The following UBE2W variants were observed in gnomAD, a reference collection of about 807,000 sequenced individuals.
UBE2W encodes ubiquitin-conjugating enzyme E2 W.
UBE2W carries 18 observed loss-of-function variants against 27.2 expected under a neutral mutation model. That is an observed-to-expected ratio of 0.66 (90% CI 0.46 to 0.98). UBE2W has a LOEUF of 0.98. Among genes scored for constraint, UBE2W ranks in the 50% least tolerant of loss-of-function variants. The pLI, the probability that UBE2W is intolerant of heterozygous loss-of-function variation, is 0.00. For synonymous variants in UBE2W, 53 were observed against 57.2 expected (o/e 0.93, Z 0.33); for missense variants, 90 against 180.2 (o/e 0.50, Z 2.87).
intron 1 of UBE2W, among the ~76,000 whole-genome samples, chr8:73,846,677 G>C: frequency 6.6e-6 from 1 of 152,066 alleles, no homozygotes; most frequent in Non-Finnish European, 1.5e-5. Context: ...AAGAATATGA[G>C]CACAAAATGT....
chr8:73,850,725 T>TA (rs11318665), intron 1 of UBE2W, among the ~76,000 whole-genome samples: 6,701 of 63,630 alleles, frequency 0.11, 564 homozygotes, highest in Non-Finnish European at 0.15. Context: ...AGCAGGACAT[T>TA]AAAAAAAAAA....
Position 73,855,007 on chromosome 8 carries a change from A to T in UBE2W, c.15+23801T>A, listed in dbSNP as rs115228353. 4.3e-3 allele frequency among the ~76,000 whole-genome samples: 652 copies of T among 152,294 alleles called. 6 individuals carry two copies. The highest frequency in any genetic ancestry group is 0.015 in the African/African-American group (626 of 41,576). ...TTATGTCATCTGTTTATAAGATGGA[A>T]TCATCTATCTGAAATGGTGGGCAAC... On this transcript the variant is annotated intron_variant, in intron 1 of 5. Transcript: ENST00000602593.
intron 2 of UBE2W, 88 bp from the exon 3 acceptor site, chr8:73,825,337 C>G (rs543199459): frequency 1.2e-6 from 1 of 861,480 alleles, no homozygotes; most frequent in East Asian, 2.7e-5. Context: ...TTCCTATACA[C>G]TAAGCACTAG....
intron 3 of UBE2W, among the ~76,000 whole-genome samples, chr8:73,819,780 G>A (rs1343084632): frequency 3.3e-5 from 5 of 152,156 alleles, no homozygotes; most frequent in African/African-American, 1.2e-4. Context: ...GACACAACAT[G>A]AGACATAAAA....
At chr8:73,873,117 C>T (rs1046511740) in intron 1 of UBE2W, among the ~76,000 whole-genome samples, 9 of 152,004 alleles carry the variant, frequency 5.9e-5, no homozygotes, top group Non-Finnish European at 1.2e-4. Context: ...CCATGTTGGC[C>T]GGGCTGGTCT....
At chr8:73,803,414 CTG>C (rs1179181837) in intron 5 of UBE2W, among the ~76,000 whole-genome samples, 1 of 152,150 alleles carries the variant, frequency 6.6e-6, no homozygotes, top group Non-Finnish European at 1.5e-5. Flanking sequence ...ATAAGAGGAA[CTG>C]TATTTCAATG....
intron 5 of UBE2W, among the ~76,000 whole-genome samples, chr8:73,798,987 C>G (rs1808531226): frequency 6.6e-6 from 1 of 151,944 alleles, no homozygotes; most frequent in Admixed American, 6.6e-5. Flanking sequence ...TAAGAATCCC[C>G]TCCCACTCCC....
chr8:73,799,829 AG>A (rs2130854002), intron 5 of UBE2W, among the ~76,000 whole-genome samples: 1 of 152,288 alleles, frequency 6.6e-6, no homozygotes, highest in South Asian at 2.1e-4. Context: ...AAGTCACATA[AG>A]GAAACTGGCC....
intron 5 of UBE2W, among the ~76,000 whole-genome samples, chr8:73,804,279 A>T (rs1808774722): frequency 1.6e-5 from 2 of 126,140 alleles, no homozygotes; most frequent in South Asian, 4.7e-4. Flanking sequence ...GGTTAACATT[A>T]AAAAAAAAAA....
At chr8:73,796,061 CAAAAAAAAAA>C (rs34660612) in intron 5 of UBE2W, 3 of 65,676 alleles carry the variant, frequency 4.6e-5, no homozygotes, top group South Asian at 7.8e-4. Context: ...ACACCATCTC[CAAAAAAAAAA>C]AAAAAAAAAA....
At chr8:73,820,168 G>C (rs73689065) in intron 3 of UBE2W, among the ~76,000 whole-genome samples, 4,726 of 152,060 alleles carry the variant, frequency 0.031, 223 homozygotes, top group African/African-American at 0.1. Context: ...AAAATTTTGG[G>C]GGAATTTTAC....
chr8:73,843,852 G>A (rs1170619574), intron 1 of UBE2W, among the ~76,000 whole-genome samples: 3 of 151,906 alleles, frequency 2.0e-5, no homozygotes, highest in Non-Finnish European at 2.9e-5. Flanking sequence ...AATAATGTGT[G>A]GTGGTGCACA....
rs1413245447 is a variant in UBE2W, at chr8:73,792,316, G to A, written c.*1786C>T. On this transcript the variant is annotated 3_prime_UTR_variant, in exon 6 of 6. Transcript: ENST00000602593. ...ATTGTTAACTAGCAGTATATAAACA[G>A]TGTCCACAATTTGGTGGCTGGCCAC... 1 of 984,890 alleles carries A rather than the reference G, an allele frequency of 1.0e-6. No individual in the cohort carries two copies. The highest frequency in any genetic ancestry group is 1.8e-5 in the African/African-American group (1 of 57,140). The allele number at this position is 984,890 out of a possible 1,614,324, so 61.0% of individuals were successfully genotyped here.
intron 1 of UBE2W, among the ~76,000 whole-genome samples, chr8:73,854,086 C>T (rs1383333516): frequency 6.6e-6 from 1 of 151,990 alleles, no homozygotes; most frequent in Non-Finnish European, 1.5e-5. Context: ...GAGGTCAAAG[C>T]TGTAGTGAAC....
intron 5 of UBE2W, among the ~76,000 whole-genome samples, chr8:73,798,290 C>A (rs1159098209): frequency 2.6e-5 from 4 of 152,098 alleles, no homozygotes; most frequent in African/African-American, 9.7e-5. Context: ...GAGTGAGATT[C>A]TGTCTCAAAA....
chr8:73,822,366 G>C (rs894700966), intron 3 of UBE2W, among the ~76,000 whole-genome samples: 2 of 151,836 alleles, frequency 1.3e-5, no homozygotes, highest in Non-Finnish European at 2.9e-5. Flanking sequence ...TTAAACACAG[G>C]GCTTGCAACT....
At chr8:73,852,532 C>G (rs1184303984) in intron 1 of UBE2W, among the ~76,000 whole-genome samples, 1 of 152,138 alleles carries the variant, frequency 6.6e-6, no homozygotes, top group East Asian at 1.9e-4. Context: ...AGCACTAAGC[C>G]TGACAGAGTT....
intron 3 of UBE2W, among the ~76,000 whole-genome samples, chr8:73,816,521 G>A (rs1448360831): frequency 6.6e-6 from 1 of 152,124 alleles, no homozygotes; most frequent in Non-Finnish European, 1.5e-5. Flanking sequence ...TGGTAAGGAG[G>A]CATGAATAGG....
chr8:73,838,325 A>G (rs1300911370), intron 1 of UBE2W, among the ~76,000 whole-genome samples: 2 of 152,080 alleles, frequency 1.3e-5, no homozygotes, highest in Non-Finnish European at 2.9e-5. Flanking sequence ...ATAATTAACT[A>G]TTGTCAATGT....
Sources: gnomAD v4.1 joint callset for allele counts (sites outside exome capture counted in the v4.1 genomes callset) on GRCh38, gnomAD v4.1.1 for gene constraint, MANE v1.5 for transcripts, NCBI Gene and HGNC (gene_info 2026-07-23, HGNC 2026-07-21) for gene names.